Variants in AKAP13 observed in about 807,000 individuals in gnomAD.
AKAP13 encodes A-kinase anchor protein 13.
In AKAP13, 80 loss-of-function variants were observed where a neutral mutation model predicts 264.5. That is an observed-to-expected ratio of 0.30 (90% CI 0.25 to 0.36). The LOEUF (loss-of-function observed/expected upper bound fraction) is 0.36. AKAP13 is among the 10% of genes least tolerant of loss of function. AKAP13 has a pLI of 1.00. For synonymous variants in AKAP13, 1,380 were observed against 1,250.2 expected, an observed-to-expected ratio of 1.10 and a Z score of -2.19; for missense variants, 3,712 against 3,435.2, an observed-to-expected ratio of 1.08 and a Z score of -2.01.
At chr15:85,508,550 C>T (rs2076312647) in intron 2 of AKAP13, among the ~76,000 whole-genome samples, 1 of 152,034 alleles carries the variant, frequency 6.6e-6, no homozygotes, top group Non-Finnish European at 1.5e-5. Context: ...CGTGTTTCAT[C>T]TGGACCACTC....
intron 2 of AKAP13, among the ~76,000 whole-genome samples, chr15:85,518,737 G>A (rs1349818882): frequency 6.6e-6 from 1 of 152,204 alleles, no homozygotes; most frequent in Admixed American, 6.5e-5. Flanking sequence ...GCAGCAGGGG[G>A]AGGATCACTT....
intron 1 of AKAP13, among the ~76,000 whole-genome samples, chr15:85,435,482 C>T (rs1466362317): frequency 1.1e-5 from 1 of 89,070 alleles, no homozygotes; most frequent in African/African-American, 4.6e-5. Context: ...AAAGATACTC[C>T]TCGAGAAGAG....
At chr15:85,654,367 A>G (rs573912795) in intron 10 of AKAP13, among the ~76,000 whole-genome samples, 10 of 152,344 alleles carry the variant, frequency 6.6e-5, no homozygotes, top group African/African-American at 2.4e-4. Context: ...ATTGTAGCCA[A>G]GCAGACTGTT....
chr15:85,490,021 G>A (rs2075679588), intron 2 of AKAP13, among the ~76,000 whole-genome samples: 1 of 152,112 alleles, frequency 6.6e-6, no homozygotes, highest in South Asian at 2.1e-4. Context: ...ACTAAGTCGG[G>A]TTTTTCTCAC....
chr15:85,402,348 G>T (rs1033730243), intron 1 of AKAP13, among the ~76,000 whole-genome samples: 4 of 152,206 alleles, frequency 2.6e-5, no homozygotes, highest in Admixed American at 1.3e-4. Flanking sequence ...GAAATATGTT[G>T]AAAGTGCCTT....
intron 33 of AKAP13, among the ~76,000 whole-genome samples, chr15:85,737,161 C>G (rs1214227604): frequency 2.0e-5 from 3 of 152,152 alleles, no homozygotes; most frequent in Non-Finnish European, 2.9e-5. Context: ...CTCAGGCAAT[C>G]TGCCCACCTG....
Position 85,724,552 on chromosome 15 carries a change from G to A in AKAP13, c.6745+1232G>A, listed in dbSNP as rs943529585. ...CAGAGTGAATGACAGGGGAGTGACG[G>A]GAAACCAGCCCAAAGAAACGGGAGG... On this transcript the variant is annotated intron_variant, in intron 26 of 36. Transcript: ENST00000394518. This position sits in a 1 kb window ranked among gnomAD's most constrained non-coding sequence, Gnocchi z 4.2. Among the ~76,000 whole-genome samples, 2 of 151,830 alleles carry A rather than the reference G, an allele frequency of 1.3e-5. No individual in the cohort carries two copies. The highest frequency in any genetic ancestry group is 2.9e-5 in the Non-Finnish European group (2 of 67,998).
At chr15:85,549,951 C>G (rs922794512) in intron 5 of AKAP13, among the ~76,000 whole-genome samples, 1 of 152,098 alleles carries the variant, frequency 6.6e-6, no homozygotes, top group South Asian at 2.1e-4. Flanking sequence ...CAGACTATTG[C>G]TGTCACCCAG....
At chr15:85,652,540 G>C (rs2082904698) in intron 10 of AKAP13, among the ~76,000 whole-genome samples, 1 of 152,068 alleles carries the variant, frequency 6.6e-6, no homozygotes, top group Admixed American at 6.6e-5. Context: ...TTTGTCCCTT[G>C]GTATTATTTT....
chr15:85,527,929 T>G (rs991206041), intron 3 of AKAP13, among the ~76,000 whole-genome samples: 2 of 152,228 alleles, frequency 1.3e-5, no homozygotes, highest in Non-Finnish European at 2.9e-5. Flanking sequence ...ATTTTTTCTC[T>G]TAGAAGGTGA....
At chr15:85,728,854 A>AAT (rs1555464413) in intron 29 of AKAP13, among the ~76,000 whole-genome samples, 1 of 149,788 alleles carries the variant, frequency 6.7e-6, no homozygotes, top group Non-Finnish European at 1.5e-5. Context: ...AAAAAAAAAA[A>AAT]TTTTTTTTTT....
rs115212597 is a variant in AKAP13, at chr15:85,599,525, A to G, written c.4161+13702A>G. On this transcript the variant is annotated intron_variant, in intron 8 of 36. Transcript: ENST00000394518. ...GGTGTCAGAGTTACCGTGTATCTCT[A>G]CCTACTCACTGGTTTTGGTCTCATC... is the stretch of plus-strand genomic sequence containing the variant. Among the ~76,000 whole-genome samples the G allele has an allele frequency of 9.1e-3, 1,378 of 152,180 alleles. 21 individuals carry two copies. The highest frequency in any genetic ancestry group is 0.028 in the African/African-American group (1,170 of 41,498).
chr15:85,658,651 A>T, intron 12 of AKAP13, 61 bp downstream of exon 12: 2 of 1,449,330 alleles, frequency 1.4e-6, no homozygotes, highest in Non-Finnish European at 1.9e-6. Flanking sequence ...ACTAACAAGC[A>T]TCTCATTCTG....
intron 15 of AKAP13, 51 bp from the exon 16 acceptor site, chr15:85,684,690 T>C (rs1405136473): frequency 6.4e-7 from 1 of 1,558,028 alleles, no homozygotes; most frequent in African/African-American, 1.4e-5. Flanking sequence ...TTCACTTTTA[T>C]TTAACTTCTG....
intron 8 of AKAP13, among the ~76,000 whole-genome samples, chr15:85,603,097 A>G (rs2080164936): frequency 6.6e-6 from 1 of 152,252 alleles, no homozygotes; most frequent in Non-Finnish European, 1.5e-5. Flanking sequence ...GTTCTAAGAA[A>G]ATAACCCCAA....
intron 5 of AKAP13, among the ~76,000 whole-genome samples, chr15:85,555,975 A>ATAT (rs2078129185): frequency 6.6e-6 from 1 of 152,242 alleles, no homozygotes; most frequent in Non-Finnish European, 1.5e-5. Flanking sequence ...CTTCTGATAA[A>ATAT]TATTACATCA....
At chr15:85,624,601 T>G (rs2081329657) in intron 8 of AKAP13, 1 of 152,260 alleles carries the variant, frequency 6.6e-6, no homozygotes, top group Non-Finnish European at 1.5e-5. Flanking sequence ...GGCTTCTATG[T>G]CCGGATGGTG....
At chr15:85,557,608 GCACGCAC>G (rs1358917012) in intron 5 of AKAP13, among the ~76,000 whole-genome samples, 1 of 152,042 alleles carries the variant, frequency 6.6e-6, no homozygotes, top group Non-Finnish European at 1.5e-5. Context: ...GAGACTACAG[GCACGCAC>G]CACCACTAAC....
intron 1 of AKAP13, among the ~76,000 whole-genome samples, chr15:85,464,313 A>T (rs555694346): frequency 6.6e-6 from 1 of 152,212 alleles, no homozygotes; most frequent in Non-Finnish European, 1.5e-5. Flanking sequence ...ACAGTCTAGA[A>T]TTTAAAAAAA....
Sources: gnomAD v4.1 joint callset for allele counts (sites outside exome capture counted in the v4.1 genomes callset) on GRCh38, gnomAD v4.1.1 for gene constraint, Gnocchi (gnomAD v3.1) non-coding constraint, MANE v1.5 for transcripts, NCBI Gene and HGNC (gene_info 2026-07-23, HGNC 2026-07-21) for gene names.